Variants in TBC1D22A observed in about 807,000 individuals in gnomAD.
TBC1D22A encodes the protein TBC1 domain family member 22A.
TBC1D22A carries 38 observed loss-of-function variants against 60.2 expected under a neutral mutation model. The ratio of observed to expected loss-of-function variants is 0.63; its 90% CI spans 0.49 to 0.83. The LOEUF is 0.83. Among genes scored for constraint, TBC1D22A ranks in the 40% least tolerant of loss-of-function variants. The pLI, the probability that TBC1D22A is intolerant of heterozygous loss-of-function variation, is 0.00. For synonymous variants in TBC1D22A, 302 were observed against 281.7 expected, an observed-to-expected ratio of 1.07 and a Z score of -0.72; for missense variants, 628 against 701.0, an observed-to-expected ratio of 0.90 and a Z score of 1.18.
chr22:46,835,438 T>C (rs1391688943), intron 4 of TBC1D22A, among the ~76,000 whole-genome samples: 1 of 152,054 alleles, frequency 6.6e-6, no homozygotes, highest in Non-Finnish European at 1.5e-5. Context: ...AGCTGAAGAA[T>C]ACAAAGACTG....
chr22:47,128,633 C>T (rs1670252009), intron 12 of TBC1D22A, among the ~76,000 whole-genome samples: 1 of 152,042 alleles, frequency 6.6e-6, no homozygotes, highest in African/African-American at 2.4e-5. Context: ...CTGCTCACAG[C>T]TATCCGTGTG....
rs947902513 is a variant in TBC1D22A at position 47,174,661 on chromosome 22, A to T, written c.*1035A>T. On this transcript the variant is annotated 3_prime_UTR_variant, in exon 13 of 13. Coordinates refer to ENST00000337137, the MANE Select transcript of TBC1D22A (RefSeq NM_014346.5). ...CCTCCGTGGACCGGTTCCGCCATGG[A>T]CCGGTTCCGCCATGGACCACTCCTG... The T allele has an allele frequency of 2.0e-5, 3 of 151,282 alleles. No individual in the cohort carries two copies. The highest frequency in any genetic ancestry group is 7.3e-5 in the African/African-American group (3 of 41,228). 9.4% of individuals were successfully genotyped at this position (151,282 alleles called of 1,614,324 possible).
intron 11 of TBC1D22A, among the ~76,000 whole-genome samples, chr22:47,075,235 A>AAAAC (rs1319779491): frequency 3.3e-5 from 5 of 151,468 alleles, no homozygotes; most frequent in Non-Finnish European, 7.4e-5. Flanking sequence ...AAAAAAAAAA[A>AAAAC]AGAGAACCAA....
At chr22:46,970,355 T>A (rs2073999680) in intron 8 of TBC1D22A, among the ~76,000 whole-genome samples, 1 of 152,264 alleles carries the variant, frequency 6.6e-6, no homozygotes, top group Admixed American at 6.5e-5. Flanking sequence ...CAATCGCGTT[T>A]CTTCCTTTGA....
chr22:46,883,767 A>G (rs907325477), intron 5 of TBC1D22A, among the ~76,000 whole-genome samples: 4 of 152,182 alleles, frequency 2.6e-5, no homozygotes, highest in Non-Finnish European at 5.9e-5. Context: ...TGGCTGCTGC[A>G]CACAGCTTCA....
chr22:46,989,723 T>C (rs1415089040), intron 9 of TBC1D22A, among the ~76,000 whole-genome samples: 2 of 151,000 alleles, frequency 1.3e-5, no homozygotes, highest in African/African-American at 2.5e-5. Flanking sequence ...ATGAAAAAGT[T>C]TGAAATATTA....
chr22:47,101,536 GC>G (rs1394232473), intron 11 of TBC1D22A, among the ~76,000 whole-genome samples: 1 of 152,264 alleles, frequency 6.6e-6, no homozygotes, highest in Non-Finnish European at 1.5e-5. Context: ...GGCGGCCAAG[GC>G]CCCAGGAGGA....
At chr22:46,986,635 T>C (rs576083076) in intron 9 of TBC1D22A, among the ~76,000 whole-genome samples, 1 of 152,374 alleles carries the variant, frequency 6.6e-6, no homozygotes, top group East Asian at 1.9e-4. Context: ...TTTTCTGACG[T>C]TCCTTCAAAT....
rs138669923 is a variant in TBC1D22A, at chr22:46,890,690, G to T, written c.709-576G>T. Among the ~76,000 whole-genome samples, 124 of 152,312 alleles carry T rather than the reference G, an allele frequency of 8.1e-4. 1 individual carries two copies. Among genetic ancestry groups the T allele is most frequent in the African/African-American group, 2.9e-3 (122 of 41,566 alleles). On this transcript the variant is annotated intron_variant, in intron 5 of 12. Coordinates refer to ENST00000337137, the MANE Select transcript of TBC1D22A (RefSeq NM_014346.5). Reference sequence around the variant, plus strand: ...AGGCTCTTCGTGACCTCCTTGTGCTGCCTGGCCCTTTCTGACTTCAAGTCC... The same window carrying T: ...AGGCTCTTCGTGACCTCCTTGTGCTTCCTGGCCCTTTCTGACTTCAAGTCC...
intron 11 of TBC1D22A, among the ~76,000 whole-genome samples, chr22:47,061,964 A>C (rs9941946): frequency 0.48 from 72,109 of 151,328 alleles, 17,977 homozygotes; most frequent in African/African-American, 0.6. Flanking sequence ...GGTGCATGCC[A>C]GTGATCCCAG....
At chr22:46,971,748 A>G (rs563550662) in intron 8 of TBC1D22A, among the ~76,000 whole-genome samples, 28 of 152,332 alleles carry the variant, frequency 1.8e-4, no homozygotes, top group African/African-American at 6.5e-4. Flanking sequence ...TGCATCTGTG[A>G]ACCGGCAGAA....
At chr22:46,869,721 A>G (rs2067219416) in intron 4 of TBC1D22A, among the ~76,000 whole-genome samples, 2 of 152,230 alleles carry the variant, frequency 1.3e-5, no homozygotes, top group African/African-American at 2.4e-5. Flanking sequence ...GTGCACATGC[A>G]TTTCTTACTA....
rs928802563 is a variant in TBC1D22A at position 47,173,420 on chromosome 22, T to C, written c.1426-78T>C. On this transcript the variant is annotated intron_variant, in intron 12 of 12. Coordinates refer to ENST00000337137, the MANE Select transcript of TBC1D22A (RefSeq NM_014346.5). ...CTCCTCTGACCTGGGCTTGTATCTTTCCCTCCAGTTTTCTGGGGTCACCCG... is the reference window on the plus strand; with the variant it reads ...CTCCTCTGACCTGGGCTTGTATCTTCCCCTCCAGTTTTCTGGGGTCACCCG... 10 of 1,575,004 alleles carry C rather than the reference T, an allele frequency of 6.3e-6. No individual in the cohort carries two copies. The African/African-American group carries it at 1.4e-4, about 21-fold the overall frequency.
chr22:46,924,745 CA>C (rs5845771), intron 8 of TBC1D22A, among the ~76,000 whole-genome samples: 7 of 149,100 alleles, frequency 4.7e-5, no homozygotes, highest in East Asian at 2.0e-4. Context: ...AACTCTATCT[CA>C]AAAAAAAAAC....
At position 46,984,345 on chromosome 22, in the gene TBC1D22A, C is replaced by T. The variant is rs5767429; in HGVS notation, c.1125+9946C>T. On this transcript the variant is annotated intron_variant, in intron 9 of 12. Transcript: ENST00000337137. The stretch of plus-strand genomic sequence containing the variant: ...TCGAGCCACTGCCCTCCAGCCGGGG[C>T]GACAGAACCAGACTCCATCTCAAAA... Among the ~76,000 whole-genome samples, 40 of 111,734 alleles carry T rather than the reference C, an allele frequency of 3.6e-4. 1 individual carries two copies. Among genetic ancestry groups the T allele is most frequent in the African/African-American group, 1.2e-3 (37 of 31,098 alleles). The allele number at this position is 111,734 out of a possible 152,430, so 73.3% of individuals were successfully genotyped here. A position where few individuals can be genotyped will look rare whatever the true frequency, so the allele number is the denominator to read the frequency against.
intron 9 of TBC1D22A, among the ~76,000 whole-genome samples, chr22:46,989,575 C>T (rs965347838): frequency 4.6e-5 from 7 of 152,014 alleles, no homozygotes; most frequent in East Asian, 1.9e-4. Context: ...GGGGAACTGC[C>T]GGTCAGCGGG....
Position 47,096,753 on chromosome 22 carries a change from T to C in TBC1D22A, c.1330-14755T>C, listed in dbSNP as rs185888182. Among the ~76,000 whole-genome samples, 119 of 151,992 alleles carry C rather than the reference T, an allele frequency of 7.8e-4. 1 individual carries two copies. The East Asian group carries it at 0.016, about 21-fold the overall frequency. The stretch of plus-strand genomic sequence containing the variant: ...AGGAGAATTGCTTGAACCTGGGAGG[T>C]GGAGGTTGCAGTGAGCCGAGATTGT... On this transcript the variant is annotated intron_variant, in intron 11 of 12. Transcript: ENST00000337137.
At chr22:47,054,596 C>T (rs574310983) in intron 11 of TBC1D22A, among the ~76,000 whole-genome samples, 5 of 152,348 alleles carry the variant, frequency 3.3e-5, no homozygotes, top group Admixed American at 6.5e-5. Flanking sequence ...ATTCCAGCCA[C>T]GCGGCTCCTC....
intron 8 of TBC1D22A, among the ~76,000 whole-genome samples, chr22:46,951,109 T>G (rs1433570580): frequency 6.6e-6 from 1 of 152,176 alleles, no homozygotes; most frequent in African/African-American, 2.4e-5. Flanking sequence ...AACCTTTGCT[T>G]CTTTGCCGTA....
Sources: allele counts gnomAD v4.1 joint callset (sites outside exome capture counted in the v4.1 genomes callset), GRCh38; gene constraint gnomAD v4.1.1; transcripts MANE v1.5; gene names NCBI Gene and HGNC (gene_info 2026-07-23, HGNC 2026-07-21).